The following ADAMTS16 variants were observed in gnomAD, a reference collection of about 807,000 sequenced individuals.
ADAMTS16 encodes ADAM metallopeptidase with thrombospondin type 1 motif 16.
A neutral mutation model predicts 145.8 loss-of-function variants in ADAMTS16; 94 were observed. That is an observed-to-expected ratio of 0.64 (90% CI 0.55 to 0.77). The LOEUF is 0.77. ADAMTS16 is among the 30% of genes least tolerant of loss of function. The pLI is 0.00. For missense variants in ADAMTS16, 1,585 were observed against 1,591.5 expected (o/e 1.00, Z 0.07); for synonymous variants, 659 against 604.3 (o/e 1.09, Z -1.33).
At chr5:5,228,607 A>G (rs1349631948) in intron 11 of ADAMTS16, among the ~76,000 whole-genome samples, 2 of 152,162 alleles carry the variant, frequency 1.3e-5, no homozygotes, top group Non-Finnish European at 2.9e-5. Flanking sequence ...CTCTTAATCT[A>G]GTTTTCTCAA....
intron 3 of ADAMTS16, among the ~76,000 whole-genome samples, chr5:5,158,440 T>C (rs1055927673): frequency 3.9e-5 from 6 of 152,114 alleles, no homozygotes; most frequent in African/African-American, 7.2e-5. Flanking sequence ...AGGGAGTGCA[T>C]TGACTGCAAA....
chr5:5,246,576 T>TA (rs938369974), intron 17 of ADAMTS16, among the ~76,000 whole-genome samples: 3 of 152,198 alleles, frequency 2.0e-5, no homozygotes, highest in African/African-American at 7.2e-5. Context: ...ATCTGAACCT[T>TA]AAACATCTTA....
At chr5:5,302,473 T>C (rs559512754) in intron 18 of ADAMTS16, among the ~76,000 whole-genome samples, 15 of 152,018 alleles carry the variant, frequency 9.9e-5, no homozygotes, top group African/African-American at 1.9e-4. Flanking sequence ...AATGAAAAGA[T>C]AGAGGACAGA....
chr5:5,140,619 G>T, intron 1 of ADAMTS16, 45 bp from the exon 2 acceptor site: 2 of 1,526,180 alleles, frequency 1.3e-6, no homozygotes, highest in Non-Finnish European at 8.8e-7. Flanking sequence ...CTCCTCTCCC[G>T]CGGACCCCGC....
intron 3 of ADAMTS16, among the ~76,000 whole-genome samples, chr5:5,148,460 T>A (rs1447479583): frequency 1.3e-5 from 2 of 152,244 alleles, no homozygotes; most frequent in African/African-American, 2.4e-5. Flanking sequence ...TAAAAATATA[T>A]TGCTTAATTA....
intron 3 of ADAMTS16, among the ~76,000 whole-genome samples, chr5:5,181,120 G>C (rs1735326686): frequency 6.6e-6 from 1 of 152,118 alleles, no homozygotes; most frequent in Non-Finnish European, 1.5e-5. Flanking sequence ...ATTCACACCT[G>C]TTCACTGATA....
chr5:5,149,253 G>C (rs767900723), intron 3 of ADAMTS16, among the ~76,000 whole-genome samples: 3 of 151,988 alleles, frequency 2.0e-5, no homozygotes, highest in Admixed American at 6.6e-5. Flanking sequence ...TTGGAAAAAG[G>C]GTCCCTGTTA....
At position 5,232,435 on chromosome 5, in the gene ADAMTS16, C is replaced by T. The variant is rs1183795725; in HGVS notation, c.1769C>T (p.Ser590Leu). Residue 590 changes from serine (S) to leucine (L), a missense_variant, in exon 12 of 23, where the codon TCG (serine) becomes TTG (leucine). Transcript: ENST00000274181. ...CCCAAGCCCACCCATGGCCACTGGT[C>T]GGACTGGTCTTCTTGGTCCCCATGC... The part of the protein sequence containing the change: ...EGPKPTHGHW[S>L]DWSSWSPCSR... The T allele has an allele frequency of 8.1e-6, 13 of 1,613,990 alleles. No individual in the cohort carries two copies. Among genetic ancestry groups the T allele is most frequent in the South Asian group, 1.1e-5 (1 of 91,060 alleles).
At chr5:5,282,055 G>A (rs891781128) in intron 18 of ADAMTS16, among the ~76,000 whole-genome samples, 4 of 152,006 alleles carry the variant, frequency 2.6e-5, no homozygotes, top group Non-Finnish European at 2.9e-5. Context: ...CACCCGTTGA[G>A]CCTTTGTTGG....
At chr5:5,285,126 AG>A (rs1739058230) in intron 18 of ADAMTS16, among the ~76,000 whole-genome samples, 1 of 152,256 alleles carries the variant, frequency 6.6e-6, no homozygotes, top group Non-Finnish European at 1.5e-5. Context: ...AAGATAAAAA[AG>A]AAGTTTCAGA....
intron 10 of ADAMTS16, among the ~76,000 whole-genome samples, chr5:5,215,804 ATG>A (rs56115820): frequency 0.28 from 20,144 of 71,232 alleles, 2,414 homozygotes; most frequent in East Asian, 0.62. Flanking sequence ...TGGTATATAT[ATG>A]TGTGGTATAT....
intron 4 of ADAMTS16, among the ~76,000 whole-genome samples, chr5:5,183,122 C>A (rs1735387708): frequency 6.6e-6 from 1 of 152,176 alleles, no homozygotes; most frequent in Non-Finnish European, 1.5e-5. Context: ...CTTGTTAAAC[C>A]ATCAGTGCCT....
At chr5:5,182,731 ACT>A (rs1735375943) in intron 4 of ADAMTS16, among the ~76,000 whole-genome samples, 1 of 152,122 alleles carries the variant, frequency 6.6e-6, no homozygotes, top group African/African-American at 2.4e-5. Flanking sequence ...AAAAGGGCAG[ACT>A]CAGTGTGACA....
At chr5:5,151,215 C>CTTATTTATTTAT (rs3059259) in intron 3 of ADAMTS16, among the ~76,000 whole-genome samples, 2 of 145,776 alleles carry the variant, frequency 1.4e-5, no homozygotes, top group African/African-American at 2.6e-5. Context: ...TTTCTTTTCT[C>CTTATTTATTTAT]TTATTTATTT....
At chr5:5,308,538 C>T (rs766884240) in intron 21 of ADAMTS16, among the ~76,000 whole-genome samples, 4 of 152,246 alleles carry the variant, frequency 2.6e-5, no homozygotes, top group South Asian at 4.2e-4. Context: ...CCAGGGAGCA[C>T]CTCACACCCT....
intron 3 of ADAMTS16, among the ~76,000 whole-genome samples, chr5:5,148,603 A>C (rs1274188594): frequency 2.6e-5 from 4 of 152,230 alleles, no homozygotes; most frequent in Admixed American, 1.3e-4. Context: ...GCTGTTGTCC[A>C]CTAATGATTG....
intron 18 of ADAMTS16, among the ~76,000 whole-genome samples, chr5:5,299,508 A>G (rs1739684753): frequency 1.4e-5 from 1 of 71,994 alleles, no homozygotes; most frequent in Non-Finnish European, 3.5e-5. Context: ...CCAAAATGTC[A>G]TTTTAATTTT....
At chr5:5,208,507 G>T (rs1190317723) in intron 9 of ADAMTS16, among the ~76,000 whole-genome samples, 1 of 152,172 alleles carries the variant, frequency 6.6e-6, no homozygotes, top group African/African-American at 2.4e-5. Context: ...ATCTACCAAT[G>T]ATTTCAGCAA....
At chr5:5,160,493 T>A (rs886496988) in intron 3 of ADAMTS16, among the ~76,000 whole-genome samples, 1 of 152,120 alleles carries the variant, frequency 6.6e-6, no homozygotes, top group Admixed American at 6.5e-5. Context: ...CTCTACTAGA[T>A]GAAGAACCAG....
Sources: allele counts gnomAD v4.1 joint callset (sites outside exome capture counted in the v4.1 genomes callset), GRCh38; gene constraint gnomAD v4.1.1; transcripts MANE v1.5; gene names NCBI Gene and HGNC (gene_info 2026-07-23, HGNC 2026-07-21).